Variants in PLK1 observed in about 807,000 individuals in gnomAD.
PLK1 encodes the protein polo like kinase 1.
PLK1 carries 6 observed loss-of-function variants against 56.7 expected under a neutral mutation model. That is an observed-to-expected ratio of 0.11 (90% CI 0.06 to 0.21). The LOEUF (loss-of-function observed/expected upper bound fraction) is 0.21, where lower values mean the gene tolerates loss of function less well. Among genes scored for constraint, PLK1 ranks in the 10% least tolerant of loss-of-function variants. The pLI, the probability that PLK1 is intolerant of heterozygous loss-of-function variation, is 1.00. For missense variants in PLK1, 546 were observed against 814.4 expected (o/e 0.67, Z 4.01); for synonymous variants, 298 against 325.0 (o/e 0.92, Z 0.89).
In PLK1 at chr16:23,689,723, G is replaced by C; in HGVS notation, c.1608+47G>C. 1 of 1,563,260 alleles carries C rather than the reference G, an allele frequency of 6.4e-7. No homozygotes were observed. The highest frequency in any genetic ancestry group is 1.1e-5 in the South Asian group (1 of 87,620). ...GCAGGAGAGAGCTGGGGTAGGCTCC[G>C]CATGCCTGGCAGTGGCCCATGTGGG... On this transcript the variant is annotated intron_variant, in intron 9 of 9. Coordinates refer to ENST00000300093, the MANE Select transcript of PLK1 (RefSeq NM_005030.6). This position sits in a 1 kb window ranked among gnomAD's most constrained non-coding sequence, Gnocchi z 4.8.
Position 23,689,106 on chromosome 16 carries a change from A to G in PLK1, c.1271-132A>G. The stretch of plus-strand genomic sequence containing the variant: ...ATTACGTTGCCCAGGCTGGTCTCAA[A>G]CTCCTGGGCTCAAACAATCCTCCTC... On this transcript the variant is annotated intron_variant, in intron 7 of 9. Transcript: ENST00000300093. This position sits in a 1 kb window ranked among gnomAD's most constrained non-coding sequence, Gnocchi z 4.8. 1 of 780,048 alleles carries G rather than the reference A, an allele frequency of 1.3e-6. No homozygotes were observed. Among genetic ancestry groups the G allele is most frequent in the Non-Finnish European group, 2.1e-6 (1 of 466,492 alleles). The allele number at this position is 780,048 out of a possible 1,614,324, so 48.3% of individuals were successfully genotyped here. A position where few individuals can be genotyped will look rare whatever the true frequency, so the allele number is the denominator to read the frequency against.
At chr16:23,679,521 G>C in intron 1 of PLK1, 181 bp downstream of exon 1, 1 of 597,200 alleles carries the variant, frequency 1.7e-6, no homozygotes, top group South Asian at 2.2e-5. Flanking sequence ...CTTGGCTCTG[G>C]GAGCTGCTAG....
chr16:23,687,963 C>G (rs1033362115), intron 6 of PLK1: 1 of 174,340 alleles, frequency 5.7e-6, no homozygotes, highest in Non-Finnish European at 1.2e-5. Context: ...AGCACTTCTT[C>G]CAGACACCAC....
chr16:23,689,400 C>G lies in PLK1; in HGVS notation c.1425+8C>G, dbSNP rs1959496854. 1 of 1,604,972 alleles carries G rather than the reference C, an allele frequency of 6.2e-7. No homozygotes were observed. Among genetic ancestry groups the G allele is most frequent in the African/African-American group, 1.3e-5 (1 of 74,772 alleles). On this transcript the variant is annotated splice_region_variant and intron_variant, in intron 8 of 9. Transcript: ENST00000300093. The surrounding 1 kb of genome is among the most constrained non-coding windows in gnomAD (Gnocchi z 4.8). ...AACTCCTTGATGAAGAAGGTGAGTG[C>G]CGTCCGGCCCATGGGGGGTGGTGTT...
rs897336236 is a variant in PLK1, at chr16:23,689,086, G to A, written c.1271-152G>A. ...TTTTGTAGAGATGGGGTCTCATTAC[G>A]TTGCCCAGGCTGGTCTCAAACTCCT... is the stretch of plus-strand genomic sequence containing the variant. On this transcript the variant is annotated intron_variant, in intron 7 of 9. Transcript: ENST00000300093. The surrounding 1 kb of genome is among the most constrained non-coding windows in gnomAD (Gnocchi z 4.8). 9 of 676,740 alleles carry A rather than the reference G, an allele frequency of 1.3e-5. No homozygotes were observed. Among genetic ancestry groups the A allele is most frequent in the African/African-American group, 7.2e-5 (4 of 55,724 alleles). The allele number at this position is 676,740 out of a possible 1,614,324, so 41.9% of individuals were successfully genotyped here. A position where few individuals can be genotyped will look rare whatever the true frequency, so the allele number is the denominator to read the frequency against.
intron 5 of PLK1, among the ~76,000 whole-genome samples, chr16:23,684,961 T>A (rs1210048911): frequency 3.7e-5 from 1 of 26,914 alleles, no homozygotes; most frequent in Non-Finnish European, 7.3e-5. Context: ...CCCGGCCTTT[T>A]TTTTTTTTTT....
chr16:23,684,728 G>A (rs1217033021), intron 5 of PLK1, among the ~76,000 whole-genome samples: 1 of 151,922 alleles, frequency 6.6e-6, no homozygotes, highest in East Asian at 1.9e-4. Flanking sequence ...CGTGATCCCG[G>A]CTCACTGCAA....
chr16:23,685,723 T>A (rs78149739), intron 5 of PLK1, among the ~76,000 whole-genome samples: 8,791 of 147,654 alleles, frequency 0.06, 527 homozygotes, highest in African/African-American at 0.15. Context: ...AAAAAAAAAA[T>A]TTTTTTTTTG....
intron 5 of PLK1, among the ~76,000 whole-genome samples, chr16:23,686,358 C>T (rs35634): frequency 0.19 from 29,360 of 151,960 alleles, 3,157 homozygotes; most frequent in East Asian, 0.43. Flanking sequence ...TTCAGTTACC[C>T]GAAGGTGGAG....
Position 23,680,075 on chromosome 16 carries a change from C to T in PLK1, c.409-9C>T, listed in dbSNP as rs1467076255. ...CCCATCCCTCCTGCCCTCTCCTTCC[C>T]ACCCACAGTCTCTCCTGGAGCTGCA... On this transcript the variant is annotated splice_polypyrimidine_tract_variant and intron_variant, in intron 1 of 9. Transcript: ENST00000300093. The T allele has an allele frequency of 1.2e-6, 2 of 1,610,456 alleles. No individual in the cohort carries two copies. Among genetic ancestry groups the T allele is most frequent in the Admixed American group, 3.3e-5 (2 of 59,908 alleles).
At chr16:23,681,984 T>C in intron 3 of PLK1, 80 bp from the exon 4 acceptor site, 12 of 802,940 alleles carry the variant, frequency 1.5e-5, no homozygotes, top group Non-Finnish European at 2.6e-5. Context: ...GCCTGACCTT[T>C]GTTCTGACCC....
At chr16:23,683,251 C>T (rs919992130) in intron 4 of PLK1, among the ~76,000 whole-genome samples, 2 of 152,006 alleles carry the variant, frequency 1.3e-5, no homozygotes, top group African/African-American at 4.8e-5. Flanking sequence ...TTCGGACTCC[C>T]TAAGTGCTGA....
chr16:23,682,237 C>A, intron 4 of PLK1, 80 bp downstream of exon 4: 1 of 787,772 alleles, frequency 1.3e-6, no homozygotes, highest in Non-Finnish European at 2.2e-6. Flanking sequence ...ATCCTAGGAC[C>A]AGAAATAGGT....
chr16:23,686,527 T>C (rs1254921197), intron 5 of PLK1, among the ~76,000 whole-genome samples: 1 of 151,386 alleles, frequency 6.6e-6, no homozygotes, highest in African/African-American at 2.4e-5. Context: ...CATTCTTGCT[T>C]TGTTGCCCAG....
chr16:23,684,813 A>G (rs1035245715), intron 5 of PLK1, among the ~76,000 whole-genome samples: 1 of 151,562 alleles, frequency 6.6e-6, no homozygotes, highest in Non-Finnish European at 1.5e-5. Flanking sequence ...GCCCACCACC[A>G]TGCCCGGCTG....
rs1959482792 is a variant in PLK1, at chr16:23,689,015, T to C, written c.1271-223T>C. 6.6e-6 allele frequency among the ~76,000 whole-genome samples: 1 copy of C among 152,106 alleles called. No individual in the cohort carries two copies. Among genetic ancestry groups the C allele is most frequent in the Non-Finnish European group, 1.5e-5 (1 of 68,016 alleles). ...TCAAACTCCCAGGCCCCTAAGTAGCTGTGACTACAGGCGTGCACCATTATG... is the reference window on the plus strand; with the variant it reads ...TCAAACTCCCAGGCCCCTAAGTAGCCGTGACTACAGGCGTGCACCATTATG... On this transcript the variant is annotated intron_variant, in intron 7 of 9. Transcript: ENST00000300093. The surrounding 1 kb of genome is among the most constrained non-coding windows in gnomAD (Gnocchi z 4.8).
At chr16:23,688,303 G>A (rs1959460689) in intron 6 of PLK1, among the ~76,000 whole-genome samples, 1 of 152,232 alleles carries the variant, frequency 6.6e-6, no homozygotes, top group Non-Finnish European at 1.5e-5. Flanking sequence ...AAATTGATTA[G>A]TCTTTGCCCC....
At position 23,682,054 on chromosome 16, in the gene PLK1, G is replaced by C; in HGVS notation, c.723-10G>C. The C allele has an allele frequency of 6.7e-7, 1 of 1,491,058 alleles. No homozygotes were observed. Among genetic ancestry groups the C allele is most frequent in the Non-Finnish European group, 9.4e-7 (1 of 1,068,460 alleles). The allele number at this position is 1,491,058 out of a possible 1,614,324, so 92.4% of individuals were successfully genotyped here. On this transcript the variant is annotated splice_polypyrimidine_tract_variant and intron_variant, in intron 3 of 9. Transcript: ENST00000300093. Reference sequence around the variant, plus strand: ...GGAGACTGGTGCCAAATCCTACCTTGTGCTTACAGGTATACCTTGTTAGTG... The same window carrying C: ...GGAGACTGGTGCCAAATCCTACCTTCTGCTTACAGGTATACCTTGTTAGTG...
chr16:23,680,300 G>T (rs773028689), intron 2 of PLK1, 48 bp downstream of exon 2: 13 of 1,536,530 alleles, frequency 8.5e-6, no homozygotes, highest in Non-Finnish European at 1.2e-5. Context: ...ACAAGAGGCT[G>T]GAATTTGGAG....
Sources: allele counts gnomAD v4.1 joint callset (sites outside exome capture counted in the v4.1 genomes callset), GRCh38; gene constraint gnomAD v4.1.1; non-coding constraint Gnocchi (gnomAD v3.1); transcripts MANE v1.5; gene names NCBI Gene and HGNC (gene_info 2026-07-23, HGNC 2026-07-21).